Variants in OR2A42 observed in about 807,000 individuals in gnomAD.
OR2A42 encodes olfactory receptor 2A1/2A42.
For synonymous variants in OR2A42, 5 were observed against 46.4 expected, an observed-to-expected ratio of 0.11 and a Z score of 3.63; for missense variants, 3 against 104.1, an observed-to-expected ratio of 0.03 and a Z score of 4.23.
Position 144,229,922 on chromosome 7 carries a change from A to C in OR2A42, c.*1989T>G, listed in dbSNP as rs2052350421. 1 of 151,724 alleles carries C rather than the reference A, an allele frequency of 6.6e-6. No homozygotes were observed. The highest frequency in any genetic ancestry group is 6.6e-5 in the Admixed American group (1 of 15,064). The allele number at this position is 151,724 out of a possible 1,614,324, so 9.4% of individuals were successfully genotyped here. A position where few individuals can be genotyped will look rare whatever the true frequency, so the allele number is the denominator to read the frequency against. On this transcript the variant is annotated 3_prime_UTR_variant, in exon 3 of 3. Transcript: ENST00000641810. The stretch of plus-strand genomic sequence containing the variant: ...CAGCCTCCCGAATAGCTGGGGATGT[A>C]GGCACACGTTGCCATGCCCGGCTAG...
intron 2 of OR2A42, among the ~76,000 whole-genome samples, chr7:144,235,354 C>T (rs1299209455): frequency 2.6e-5 from 4 of 151,342 alleles, no homozygotes; most frequent in African/African-American, 9.7e-5. Flanking sequence ...CCACTATGCA[C>T]AAGTATGAAT....
At chr7:144,233,031 C>T (rs1462415012) in intron 2 of OR2A42, among the ~76,000 whole-genome samples, 184 bp from the exon 3 acceptor site, 1 of 152,244 alleles carries the variant, frequency 6.6e-6, no homozygotes, top group Non-Finnish European at 1.5e-5. Flanking sequence ...TGATAGGATA[C>T]ATAGAGCCAT....
rs1277878699 is a variant in OR2A42, at chr7:144,230,411, C to T, written c.*1500G>A. On this transcript the variant is annotated 3_prime_UTR_variant, in exon 3 of 3. Transcript: ENST00000641810. ...TAATCTCTCTATAGTTCTGTTTTCTCGCCTAAAAATAGTAGTAATAGTCTC... is the reference window on the plus strand; with the variant it reads ...TAATCTCTCTATAGTTCTGTTTTCTTGCCTAAAAATAGTAGTAATAGTCTC... 8 of 120,072 alleles carry T rather than the reference C, an allele frequency of 6.7e-5. No homozygotes were observed. Among genetic ancestry groups the T allele is most frequent in the African/African-American group, 1.3e-4 (4 of 30,448 alleles). 7.4% of individuals were successfully genotyped at this position (120,072 alleles called of 1,614,324 possible).
intron 2 of OR2A42, among the ~76,000 whole-genome samples, chr7:144,237,646 A>G (rs1263117374): frequency 6.6e-6 from 1 of 150,804 alleles, no homozygotes; most frequent in Admixed American, 6.6e-5. Context: ...GTGACTAAAA[A>G]GGTGAAATAC....
chr7:144,237,222 AATTT>A (rs1169460191), intron 2 of OR2A42, among the ~76,000 whole-genome samples: 94 of 99,084 alleles, frequency 9.5e-4, no homozygotes, highest in African/African-American at 3.7e-3. Context: ...GATGTTGGAT[AATTT>A]ATTAGTCATA....
In OR2A42 at chr7:144,230,531, G is replaced by T. The variant is rs572389056; in HGVS notation, c.*1380C>A. ...AAGCACTGTGCGTATATGTGTGTGT[G>T]TGTGTGTGCGCGCACGCATGTACGT... On this transcript the variant is annotated 3_prime_UTR_variant, in exon 3 of 3. Transcript: ENST00000641810. The T allele has an allele frequency of 6.7e-6, 1 of 148,476 alleles. No individual in the cohort carries two copies. Among genetic ancestry groups the T allele is most frequent in the South Asian group, 2.1e-4 (1 of 4,748 alleles). The allele number at this position is 148,476 out of a possible 1,614,324, so 9.2% of individuals were successfully genotyped here. A position where few individuals can be genotyped will look rare whatever the true frequency, so the allele number is the denominator to read the frequency against.
chr7:144,233,474 A>G (rs898650845), intron 2 of OR2A42, among the ~76,000 whole-genome samples: 2 of 66,084 alleles, frequency 3.0e-5, no homozygotes, highest in African/African-American at 8.3e-5. Context: ...CAGTTAATCT[A>G]CTGATTGATG....
At position 144,232,418 on chromosome 7, in the gene OR2A42, GGT is replaced by G. The variant is rs762938200; in HGVS notation, c.424_425del (p.Thr142ProfsTer30). The G allele has an allele frequency of 3.6e-6, 2 of 553,326 alleles. No homozygotes were observed. Among genetic ancestry groups the G allele is most frequent in the Non-Finnish European group, 3.3e-6 (1 of 303,110 alleles). 34.3% of individuals were successfully genotyped at this position (553,326 alleles called of 1,614,324 possible). ...SVIMTWRVCI[T>X]LAVTSWTCGS... ...CACACGTCCAGGAAGTGACGGCCAG[GGT>G]GATGCAGACTCTCCAGGTCATGATG... On this transcript the variant is annotated frameshift_variant, in exon 3 of 3. Coordinates refer to ENST00000641810, the MANE Select transcript of OR2A42 (RefSeq NM_001001802.3). LOFTEE classifies it low-confidence loss of function (END_TRUNC).
chr7:144,237,495 G>C (rs1325668581), intron 2 of OR2A42, among the ~76,000 whole-genome samples: 1 of 149,508 alleles, frequency 6.7e-6, no homozygotes, highest in Non-Finnish European at 1.5e-5. Flanking sequence ...ACCGATTACA[G>C]TAGGCAAGAT....
At chr7:144,234,946 CTTTA>C (rs1162330032) in intron 2 of OR2A42, among the ~76,000 whole-genome samples, 1 of 142,526 alleles carries the variant, frequency 7.0e-6, no homozygotes, top group Non-Finnish European at 1.5e-5. Flanking sequence ...TTATAAACAT[CTTTA>C]TTTATTTATT....
intron 2 of OR2A42, among the ~76,000 whole-genome samples, chr7:144,237,780 G>T (rs1260457761): frequency 2.0e-5 from 3 of 149,608 alleles, no homozygotes; most frequent in Non-Finnish European, 4.5e-5. Flanking sequence ...ATTCTTCTGT[G>T]AATCAGGTTC....
Position 144,238,566 on chromosome 7 carries a change from CA to C in OR2A42, c.-140del, listed in dbSNP as rs1325005942. 1 of 150,306 alleles carries C rather than the reference CA, an allele frequency of 6.7e-6. No homozygotes were observed. The highest frequency in any genetic ancestry group is 2.5e-5 in the African/African-American group (1 of 40,782). 9.3% of individuals were successfully genotyped at this position (150,306 alleles called of 1,614,324 possible). On this transcript the variant is annotated 5_prime_UTR_variant, in exon 2 of 3. Transcript: ENST00000641810. Reference sequence around the variant, plus strand: ...ACTCAAGGATCTCAGAAGAGTGAAGCACCTGAAGGTTTCTGGGAGTTTCTGT... The same window carrying C: ...ACTCAAGGATCTCAGAAGAGTGAAGCCCTGAAGGTTTCTGGGAGTTTCTGT...
Position 144,230,521 on chromosome 7 carries a change from A to ATGTGTGTGTGTG in OR2A42, c.*1378_*1389dup, listed in dbSNP as rs540189743. On this transcript the variant is annotated 3_prime_UTR_variant, in exon 3 of 3. Coordinates refer to ENST00000641810, the MANE Select transcript of OR2A42 (RefSeq NM_001001802.3). ...GTGCTTCACTAAGCACTGTGCGTATATGTGTGTGTGTGTGTGTGCGCGCAC... is the reference window on the plus strand; with the variant it reads ...GTGCTTCACTAAGCACTGTGCGTATATGTGTGTGTGTGTGTGTGTGTGTGTGTGTGCGCGCAC... 1.4e-5 allele frequency: 2 copies of ATGTGTGTGTGTG among 145,460 alleles called. No homozygotes were observed. Among genetic ancestry groups the ATGTGTGTGTGTG allele is most frequent in the Admixed American group, 6.7e-5 (1 of 14,886 alleles). The allele number at this position is 145,460 out of a possible 1,614,324, so 9.0% of individuals were successfully genotyped here.
At position 144,228,437 on chromosome 7, in the gene OR2A42, C is replaced by T. The variant is rs1262452461; in HGVS notation, c.*3474G>A. Reference sequence around the variant, plus strand: ...TAATTAATTACACTAAACTTTATTTCCCCCCCCCCTTTAATGTTAGGATAG... The same window carrying T: ...TAATTAATTACACTAAACTTTATTTTCCCCCCCCCTTTAATGTTAGGATAG... On this transcript the variant is annotated 3_prime_UTR_variant, in exon 3 of 3. Transcript: ENST00000641810. 4.3e-5 allele frequency: 2 copies of T among 46,456 alleles called. 1 individual carries two copies. The highest frequency in any genetic ancestry group is 7.5e-5 in the Non-Finnish European group (2 of 26,800). The allele number at this position is 46,456 out of a possible 1,614,324, so 2.9% of individuals were successfully genotyped here. A position where few individuals can be genotyped will look rare whatever the true frequency, so the allele number is the denominator to read the frequency against.
rs1481874593 is a variant in OR2A42, at chr7:144,228,782, CATA to C, written c.*3126_*3128del. ...TCCCTTTGTGAAGCAATGAATGAAA[CATA>C]ATTGAGACATGCACTGTAAATCCCA... On this transcript the variant is annotated 3_prime_UTR_variant, in exon 3 of 3. Transcript: ENST00000641810. The C allele has an allele frequency of 7.1e-6, 1 of 140,826 alleles. No individual in the cohort carries two copies. The highest frequency in any genetic ancestry group is 1.6e-5 in the Non-Finnish European group (1 of 64,118). The allele number at this position is 140,826 out of a possible 1,614,324, so 8.7% of individuals were successfully genotyped here. A position where few individuals can be genotyped will look rare whatever the true frequency, so the allele number is the denominator to read the frequency against.
Position 144,230,008 on chromosome 7 carries a change from T to C in OR2A42, c.*1903A>G, listed in dbSNP as rs1247003135. On this transcript the variant is annotated 3_prime_UTR_variant, in exon 3 of 3. Transcript: ENST00000641810. ...TGATGAACCATCAACTTAAAAGTTT[T>C]ATCCATTGTTTTTGGTTTCACCATC... 6.7e-6 allele frequency: 1 copy of C among 150,054 alleles called. No individual in the cohort carries two copies. The highest frequency in any genetic ancestry group is 2.4e-5 in the African/African-American group (1 of 41,054). 9.3% of individuals were successfully genotyped at this position (150,054 alleles called of 1,614,324 possible).
At chr7:144,236,700 T>TC (rs2052434480) in intron 2 of OR2A42, among the ~76,000 whole-genome samples, 1 of 88,574 alleles carries the variant, frequency 1.1e-5, no homozygotes, top group Admixed American at 1.1e-4. Context: ...TGTCTTTTTT[T>TC]TTTTCTTTCT....
At position 144,237,692 on chromosome 7, in the gene OR2A42, G is replaced by A. The variant is rs185134070; in HGVS notation, c.-5+740C>T. Reference sequence around the variant, plus strand: ...ATATTGTGCCTGGAATATGGTAGGTGTTCAATAATTATTTATTGACTAACT... The same window carrying A: ...ATATTGTGCCTGGAATATGGTAGGTATTCAATAATTATTTATTGACTAACT... On this transcript the variant is annotated intron_variant, in intron 2 of 2. Transcript: ENST00000641810. Among the ~76,000 whole-genome samples, 881 of 142,508 alleles carry A rather than the reference G, an allele frequency of 6.2e-3. 28 individuals carry two copies. Among genetic ancestry groups the A allele is most frequent in the African/African-American group, 0.021 (773 of 36,766 alleles). 93.5% of individuals were successfully genotyped at this position (142,508 alleles called of 152,430 possible).
intron 2 of OR2A42, among the ~76,000 whole-genome samples, chr7:144,235,664 A>T (rs2052418419): frequency 6.6e-6 from 1 of 152,204 alleles, no homozygotes; most frequent in African/African-American, 2.4e-5. Flanking sequence ...TACTTGAAAG[A>T]CACTTTTGTT....
Sources: gnomAD v4.1 joint callset for allele counts (sites outside exome capture counted in the v4.1 genomes callset) on GRCh38, gnomAD v4.1.1 for gene constraint, MANE v1.5 for transcripts, NCBI Gene and HGNC (gene_info 2026-07-23, HGNC 2026-07-21) for gene names.